The following USP7 variants were observed in gnomAD, a reference collection of about 807,000 sequenced individuals.
USP7 encodes the protein ubiquitin C-terminal hydrolase 7.
USP7 carries 9 observed loss-of-function variants against 162.9 expected under a neutral mutation model. That is an observed-to-expected ratio of 0.06 (90% CI 0.03 to 0.10). The LOEUF is 0.10. Ranked by LOEUF, USP7 falls within the 10% of genes least tolerant of loss-of-function variation. USP7 has a pLI of 1.00. For synonymous variants in USP7, 562 were observed against 475.9 expected (o/e 1.18, Z -2.35); for missense variants, 715 against 1,373.7 (o/e 0.52, Z 7.58).
At chr16:8,906,330 C>T (rs2061860012) in intron 13 of USP7, 96 bp downstream of exon 13, 7 of 1,438,980 alleles carry the variant, frequency 4.9e-6, no homozygotes, top group Non-Finnish European at 6.5e-6. Flanking sequence ...TTAGGGGTCC[C>T]TGACAAGGTT....
intron 1 of USP7, among the ~76,000 whole-genome samples, chr16:8,937,135 A>G (rs1338817409): frequency 6.6e-6 from 1 of 152,182 alleles, no homozygotes; most frequent in Non-Finnish European, 1.5e-5. Context: ...ACCACACATC[A>G]GTAATCCCAG....
chr16:8,916,142 C>T (rs926979462), intron 8 of USP7, among the ~76,000 whole-genome samples: 2 of 152,196 alleles, frequency 1.3e-5, no homozygotes, highest in Admixed American at 1.3e-4. Context: ...GGTCTGGACA[C>T]TGGAGTAACA....
Position 8,923,376 on chromosome 16 carries a change from A to T in USP7, c.222T>A (p.Thr74=). ...CACTCAGTCTGCTGAAGCGCTCCAC[A>T]GTGAACTGAAAGGTTGCCTCGGAGC... ...SWRSEATFQF[T]VERFSRLSES... The change falls in exon 3 of 31, where the codon ACT becomes ACA. Residue 74 remains threonine, a synonymous_variant. Coordinates refer to ENST00000344836, the MANE Select transcript of USP7 (RefSeq NM_003470.3). The T allele has an allele frequency of 6.2e-7, 1 of 1,614,240 alleles. No homozygotes were observed.
chr16:8,924,044 T>C (rs868221661), intron 2 of USP7, among the ~76,000 whole-genome samples: 1 of 151,772 alleles, frequency 6.6e-6, no homozygotes, highest in Non-Finnish European at 1.5e-5. Flanking sequence ...CCCACATGAG[T>C]AGTATAAATT....
chr16:8,935,464 G>A (rs1489020127), intron 1 of USP7, among the ~76,000 whole-genome samples: 1 of 152,154 alleles, frequency 6.6e-6, no homozygotes, highest in South Asian at 2.1e-4. Flanking sequence ...GCGCACCTCG[G>A]CCTCCCAAAG....
chr16:8,944,266 A>T (rs576122299), intron 1 of USP7, among the ~76,000 whole-genome samples: 10 of 150,246 alleles, frequency 6.7e-5, no homozygotes, highest in African/African-American at 2.4e-4. Context: ...ATACTGGCTG[A>T]GGCTTGACAC....
chr16:8,927,251 G>A (rs1248280914), intron 2 of USP7, among the ~76,000 whole-genome samples: 6 of 151,812 alleles, frequency 4.0e-5, no homozygotes, highest in African/African-American at 1.2e-4. Flanking sequence ...GAACCCGGGA[G>A]GCAGAGGGTG....
intron 10 of USP7, among the ~76,000 whole-genome samples, chr16:8,911,213 C>G (rs2061941499): frequency 6.6e-6 from 1 of 152,174 alleles, no homozygotes; most frequent in Admixed American, 6.5e-5. Flanking sequence ...GGCAGAATGA[C>G]AAGGAAAACC....
intron 1 of USP7, among the ~76,000 whole-genome samples, chr16:8,952,674 C>G (rs1054304906): frequency 5.9e-5 from 9 of 152,138 alleles, no homozygotes; most frequent in Non-Finnish European, 1.0e-4. Flanking sequence ...ATCCCTTTGC[C>G]ATGTAACGTA....
In USP7 at chr16:8,920,163, G is replaced by A. The variant is rs552123410; in HGVS notation, c.611+196C>T. On this transcript the variant is annotated intron_variant, in intron 5 of 30. Transcript: ENST00000344836. ...CCATAATTATACAATTATGTTCCAA[G>A]GGTCTAACATATAGAAACTGCTCAA... Among the ~76,000 whole-genome samples the A allele has an allele frequency of 2.9e-4, 44 of 152,286 alleles. No individual in the cohort carries two copies. In the South Asian group the frequency reaches 9.1e-3, roughly 32 times the overall value.
At chr16:8,939,696 T>C (rs1054984836) in intron 1 of USP7, among the ~76,000 whole-genome samples, 2 of 152,230 alleles carry the variant, frequency 1.3e-5, no homozygotes, top group Admixed American at 6.5e-5. Flanking sequence ...ATCATGTACA[T>C]TGCTCGTGCA....
intron 22 of USP7, chr16:8,899,395 C>T (rs956325838): frequency 1.3e-6 from 1 of 785,008 alleles, no homozygotes; most frequent in Admixed American, 2.9e-5. Context: ...AGGGTTTTCA[C>T]TTTTAATGGT....
intron 26 of USP7, among the ~76,000 whole-genome samples, chr16:8,896,520 A>C (rs1026211895): frequency 3.3e-5 from 5 of 152,168 alleles, no homozygotes; most frequent in African/African-American, 1.2e-4. Flanking sequence ...CTCTGAAATA[A>C]ACAATCAATT....
chr16:8,962,567 C>A, intron 1 of USP7: 1 of 402,120 alleles, frequency 2.5e-6, no homozygotes, highest in South Asian at 1.7e-5. Flanking sequence ...ATGCTGGCTG[C>A]ACCACACACT....
At chr16:8,943,792 T>C (rs1207019875) in intron 1 of USP7, among the ~76,000 whole-genome samples, 2 of 152,154 alleles carry the variant, frequency 1.3e-5, no homozygotes, top group Non-Finnish European at 2.9e-5. Flanking sequence ...CAAAAACCCA[T>C]TCCCCAAGAA....
chr16:8,934,888 AAGCTCCTCATAAATG>A (rs1166619470), intron 1 of USP7, among the ~76,000 whole-genome samples: 1 of 152,198 alleles, frequency 6.6e-6, no homozygotes, highest in Non-Finnish European at 1.5e-5. Context: ...CCGTTTTTAA[AAGCTCCTCATAAATG>A]AGTTAGTTCC....
At position 8,895,755 on chromosome 16, in the gene USP7, A is replaced by G. The variant is rs138490551; in HGVS notation, c.2820-14T>C. 19 of 1,504,486 alleles carry G rather than the reference A, an allele frequency of 1.3e-5. No individual in the cohort carries two copies. Among genetic ancestry groups the G allele is most frequent in the East Asian group, 4.7e-5 (2 of 42,888 alleles). The allele number at this position is 1,504,486 out of a possible 1,614,324, so 93.2% of individuals were successfully genotyped here. A position where few individuals can be genotyped will look rare whatever the true frequency, so the allele number is the denominator to read the frequency against. On this transcript the variant is annotated splice_polypyrimidine_tract_variant and intron_variant, in intron 26 of 30. Coordinates refer to ENST00000344836, the MANE Select transcript of USP7 (RefSeq NM_003470.3). The stretch of plus-strand genomic sequence containing the variant: ...ATTTCTAGCAGCCTGAACAGAGAGG[A>G]AAAAAAAATAGGGCAAAATGAAGTA...
At chr16:8,935,242 C>G (rs1477861373) in intron 1 of USP7, among the ~76,000 whole-genome samples, 1 of 149,494 alleles carries the variant, frequency 6.7e-6, no homozygotes, top group Non-Finnish European at 1.5e-5. Context: ...GTTCTGTCTC[C>G]CAGGCTGGAG....
chr16:8,936,582 C>T, intron 1 of USP7: 6 of 1,543,640 alleles, frequency 3.9e-6, no homozygotes, highest in Non-Finnish European at 5.2e-6. Context: ...ACCTGACTCA[C>T]CTTCCAGCCC....
Sources: gnomAD v4.1 joint callset for allele counts (sites outside exome capture counted in the v4.1 genomes callset) on GRCh38, gnomAD v4.1.1 for gene constraint, MANE v1.5 for transcripts, NCBI Gene and HGNC (gene_info 2026-07-23, HGNC 2026-07-21) for gene names.